The following ACACA variants were observed in gnomAD, a reference collection of about 807,000 sequenced individuals.
ACACA encodes the protein acetyl-CoA carboxylase 1.
Under a neutral mutation model 296.1 loss-of-function variants are expected in ACACA, and 103 were observed. The ratio of observed to expected loss-of-function variants is 0.35; its 90% CI spans 0.30 to 0.41. The LOEUF is 0.41. ACACA is among the 10% of genes least tolerant of loss of function. ACACA has a pLI of 1.00. For missense variants in ACACA, 1,554 were observed against 2,989.7 expected (o/e 0.52, Z 11.20); for synonymous variants, 953 against 1,038.6 (o/e 0.92, Z 1.58).
At chr17:37,088,316 C>T (rs1315527116) in intron 55 of ACACA, among the ~76,000 whole-genome samples, 1 of 152,118 alleles carries the variant, frequency 6.6e-6, no homozygotes, top group Non-Finnish European at 1.5e-5. Context: ...ATATATGTAA[C>T]ACCCTTAAGT....
chr17:37,357,034 G>T (rs1457707208), intron 1 of ACACA, among the ~76,000 whole-genome samples: 1 of 152,194 alleles, frequency 6.6e-6, no homozygotes, highest in African/African-American at 2.4e-5. Flanking sequence ...AACATCAGAT[G>T]AGAGAGCGTT....
At chr17:37,359,817 C>T (rs1326243836) in intron 1 of ACACA, among the ~76,000 whole-genome samples, 1 of 152,102 alleles carries the variant, frequency 6.6e-6, no homozygotes, top group African/African-American at 2.4e-5. Context: ...ACCAGCCCCC[C>T]GTTTCGCTCC....
intron 1 of ACACA, among the ~76,000 whole-genome samples, chr17:37,388,387 A>G (rs2050642017): frequency 6.6e-6 from 1 of 152,154 alleles, no homozygotes; most frequent in Non-Finnish European, 1.5e-5. Flanking sequence ...TCCTGCGAGC[A>G]GTGTAAGAAT....
At chr17:37,143,783 TTGC>T in intron 45 of ACACA, 1 of 1,061,672 alleles carries the variant, frequency 9.4e-7, no homozygotes, top group Non-Finnish European at 1.5e-6. Context: ...ACTCCCTTTT[TTGC>T]TGCATCAGGC....
chr17:37,265,873 A>C (rs2081743580), intron 10 of ACACA, among the ~76,000 whole-genome samples: 1 of 152,176 alleles, frequency 6.6e-6, no homozygotes, highest in Admixed American at 6.5e-5. Flanking sequence ...TTACAGCTGA[A>C]TAGCTTTCTG....
rs191340454 is a variant in ACACA at position 37,088,957 on chromosome 17, C to T, written c.7009G>A (p.Val2337Ile). ...ENIKCISRDYVLKQIRSLVQA... is the reference protein window; with the variant it reads ...ENIKCISRDYILKQIRSLVQA... The stretch of plus-strand genomic sequence containing the variant: ...TCTCACCTGCGGATTTGCTTGAGGA[C>T]GTAGTCTCTGCTGATGCATTTGATG... The change falls in exon 55 of 56, where the codon GTC becomes ATC. Residue 2337 changes from valine to isoleucine, a missense_variant. Transcript: ENST00000616317. 11 of 1,614,186 alleles carry T rather than the reference C, an allele frequency of 6.8e-6. No individual in the cohort carries two copies. Among genetic ancestry groups the T allele is most frequent in the Middle Eastern group, 1.6e-4 (1 of 6,062 alleles).
At chr17:37,214,331 T>C (rs2078890771) in intron 29 of ACACA, among the ~76,000 whole-genome samples, 1 of 152,228 alleles carries the variant, frequency 6.6e-6, no homozygotes. Context: ...CTGAGTCTAC[T>C]GCAGAGCTTT....
intron 3 of ACACA, among the ~76,000 whole-genome samples, chr17:37,306,631 G>A (rs1388463709): frequency 6.6e-6 from 1 of 151,722 alleles, no homozygotes; most frequent in Non-Finnish European, 1.5e-5. Context: ...CATAAATATA[G>A]TGTTATATAA....
At chr17:37,378,669 C>T (rs765230580) in intron 1 of ACACA, among the ~76,000 whole-genome samples, 5 of 152,292 alleles carry the variant, frequency 3.3e-5, no homozygotes, top group South Asian at 2.1e-4. Context: ...GCTGAGATTG[C>T]GCCATTGCAC....
At chr17:37,208,276 T>C (rs1012222744) in intron 30 of ACACA, among the ~76,000 whole-genome samples, 1 of 152,130 alleles carries the variant, frequency 6.6e-6, no homozygotes, top group African/African-American at 2.4e-5. Context: ...AAGAGATAGG[T>C]ATATATATGT....
chr17:37,371,236 T>A (rs1158755922), intron 1 of ACACA, among the ~76,000 whole-genome samples: 1 of 151,682 alleles, frequency 6.6e-6, no homozygotes, highest in East Asian at 2.0e-4. Flanking sequence ...TCTGCCACCA[T>A]GCCTGGCTAA....
At position 37,099,499 on chromosome 17, in the gene ACACA, G is replaced by C. The variant is rs571969727; in HGVS notation, c.6566-1515C>G. Among the ~76,000 whole-genome samples the C allele has an allele frequency of 8.0e-3, 925 of 116,152 alleles. 8 individuals are homozygous for C. Among genetic ancestry groups the C allele is most frequent in the Middle Eastern group, 0.014 (3 of 218 alleles). The allele number at this position is 116,152 out of a possible 152,430, so 76.2% of individuals were successfully genotyped here. On this transcript the variant is annotated intron_variant, in intron 52 of 55. Coordinates refer to ENST00000616317, the MANE Select transcript of ACACA (RefSeq NM_198834.3). Reference sequence around the variant, plus strand: ...GGGCTGATGGGAGGAGGGCTGATGGGAGGAGGGCTGATAGCAGGAGGGCTG... The same window carrying C: ...GGGCTGATGGGAGGAGGGCTGATGGCAGGAGGGCTGATAGCAGGAGGGCTG...
In ACACA at chr17:37,141,376, C is replaced by T; in HGVS notation, c.5679+8488G>A. On this transcript the variant is annotated intron_variant, in intron 45 of 55. Transcript: ENST00000616317. ...CGGCCATGGTCCCAGCCCTGGATGC[C>T]ACTGCCAAAGGTTCCACGGTTCCCC... is the stretch of plus-strand genomic sequence containing the variant. 3 of 353,972 alleles carry T rather than the reference C, an allele frequency of 8.5e-6. No individual in the cohort carries two copies. The Admixed American group carries it at 1.1e-4, about 13-fold the overall frequency. The allele number at this position is 353,972 out of a possible 1,614,324, so 21.9% of individuals were successfully genotyped here.
intron 52 of ACACA, among the ~76,000 whole-genome samples, chr17:37,100,917 C>G (rs2073322901): frequency 1.3e-5 from 2 of 151,938 alleles, no homozygotes; most frequent in Non-Finnish European, 2.9e-5. Context: ...GCCAACATGG[C>G]AAGACCTTGT....
intron 54 of ACACA, among the ~76,000 whole-genome samples, chr17:37,092,338 T>C (rs1348238769): frequency 6.6e-6 from 1 of 151,136 alleles, no homozygotes; most frequent in African/African-American, 2.4e-5. Flanking sequence ...TTTAAACAGG[T>C]GTGATATGCT....
rs981281419 is a variant in ACACA at position 37,113,098 on chromosome 17, G to A, written c.6442C>T (p.Arg2148Ter). 2 of 1,614,098 alleles carry A rather than the reference G, an allele frequency of 1.2e-6. No individual in the cohort carries two copies. The highest frequency in any genetic ancestry group is 1.7e-6 in the Non-Finnish European group (2 of 1,180,016). Residue 2148 changes from arginine (R) to a stop codon, truncating the protein, a stop_gained, in exon 51 of 56, where the codon CGA becomes TGA. Transcript: ENST00000616317. LOFTEE classifies it high-confidence loss of function. This position sits in a 1 kb window ranked among gnomAD's most constrained non-coding sequence, Gnocchi z 4.0. Reference sequence around the variant, plus strand: ...TGGAAGGCACGCTACCTGCTTTCTCGGTCAGCATACATCTCCATGTGCCGG... The same window carrying A: ...TGGAAGGCACGCTACCTGCTTTCTCAGTCAGCATACATCTCCATGTGCCGG... ...NPRHMEMYADRESRGSVLEPE... is the reference protein window; with the variant it reads ...NPRHMEMYAD
chr17:37,269,428 C>G (rs1375586014), intron 10 of ACACA, among the ~76,000 whole-genome samples: 1 of 152,122 alleles, frequency 6.6e-6, no homozygotes, highest in African/African-American at 2.4e-5. Flanking sequence ...ATTAGTCTAG[C>G]CTACCTCAAA....
intron 10 of ACACA, among the ~76,000 whole-genome samples, chr17:37,269,046 T>TAAAA (rs35990848): frequency 1.7e-5 from 2 of 121,188 alleles, no homozygotes; most frequent in African/African-American, 2.9e-5. Flanking sequence ...GAAAAAAATG[T>TAAAA]AAAAAAAAAA....
At position 37,283,198 on chromosome 17, in the gene ACACA, C is replaced by T. The variant is rs2082623172; in HGVS notation, c.610+69G>A. 5 of 1,582,566 alleles carry T rather than the reference C, an allele frequency of 3.2e-6. No homozygotes were observed. The East Asian group carries it at 1.1e-4, about 35-fold the overall frequency. On this transcript the variant is annotated intron_variant, in intron 5 of 55. Transcript: ENST00000616317. ...GGAATCCCCCTAAGTTAACATTCTC[C>T]TACTTAAAGGCTGTGCTGTTCCATG... is the stretch of plus-strand genomic sequence containing the variant.
Sources: gnomAD v4.1 joint callset for allele counts (sites outside exome capture counted in the v4.1 genomes callset) on GRCh38, gnomAD v4.1.1 for gene constraint, Gnocchi (gnomAD v3.1) non-coding constraint, MANE v1.5 for transcripts, NCBI Gene and HGNC (gene_info 2026-07-23, HGNC 2026-07-21) for gene names.